DNAJC10: variants seen among roughly 807,000 people sequenced by gnomAD.
The protein encoded by DNAJC10 is endoplasmic reticulum disulfide reductase DNAJC10.
DNAJC10 carries 101 observed loss-of-function variants against 115.0 expected under a neutral mutation model. The ratio of observed to expected loss-of-function variants is 0.88; its 90% CI spans 0.75 to 1.04. DNAJC10 has a LOEUF of 1.04. DNAJC10 is among the 50% of genes least tolerant of loss of function. The probability of loss-of-function intolerance (pLI) is 0.00; values close to 1 mark genes in which losing one functional copy is unlikely to be tolerated. For synonymous variants in DNAJC10, 307 were observed against 301.5 expected, an observed-to-expected ratio of 1.02 and a Z score of -0.19; for missense variants, 981 against 928.8, an observed-to-expected ratio of 1.06 and a Z score of -0.73.
At chr2:182,766,897 C>T (rs941677003) in intron 22 of DNAJC10, among the ~76,000 whole-genome samples, 15 of 151,988 alleles carry the variant, frequency 9.9e-5, no homozygotes, top group African/African-American at 3.6e-4. Context: ...GATGCAGGTC[C>T]CTTTAAGGTT....
At chr2:182,729,128 T>C (rs1372546182) in intron 7 of DNAJC10, 134 bp downstream of exon 7, 8 of 882,736 alleles carry the variant, frequency 9.1e-6, no homozygotes, top group Non-Finnish European at 1.4e-5. Context: ...ACTAGTCTTC[T>C]GTAATAATAA....
intron 16 of DNAJC10, among the ~76,000 whole-genome samples, chr2:182,753,796 A>G (rs1011467369): frequency 1.3e-5 from 2 of 151,890 alleles, no homozygotes; most frequent in Non-Finnish European, 2.9e-5. Context: ...GTTAGCCAGG[A>G]TGGTCTTGAT....
intron 14 of DNAJC10, among the ~76,000 whole-genome samples, chr2:182,748,232 A>T (rs1380000760): frequency 6.6e-6 from 1 of 151,636 alleles, no homozygotes; most frequent in Non-Finnish European, 1.5e-5. Context: ...TATCAGGATG[A>T]TGCTGGCCTC....
rs909869308 is a variant in DNAJC10 at position 182,716,357 on chromosome 2, G to T, written c.-330G>T. 6.6e-6 allele frequency: 1 copy of T among 152,300 alleles called. No individual in the cohort carries two copies. The highest frequency in any genetic ancestry group is 2.1e-4 in the South Asian group (1 of 4,834). The allele number at this position is 152,300 out of a possible 1,614,324, so 9.4% of individuals were successfully genotyped here. A position where few individuals can be genotyped will look rare whatever the true frequency, so the allele number is the denominator to read the frequency against. On this transcript the variant is annotated 5_prime_UTR_variant, in exon 1 of 24. Coordinates refer to ENST00000264065, the MANE Select transcript of DNAJC10 (RefSeq NM_018981.4). Reference sequence around the variant, plus strand: ...GCACCTCACCAATCCCGTGCGCCGCGGCTGGGCCGTCGGAGAGTGCGTGTG... The same window carrying T: ...GCACCTCACCAATCCCGTGCGCCGCTGCTGGGCCGTCGGAGAGTGCGTGTG...
At chr2:182,726,532 A>G (rs1693287477) in intron 5 of DNAJC10, among the ~76,000 whole-genome samples, 1 of 152,144 alleles carries the variant, frequency 6.6e-6, no homozygotes, top group African/African-American at 2.4e-5. Flanking sequence ...GATGCCATCA[A>G]ACAGCATTTC....
intron 22 of DNAJC10, among the ~76,000 whole-genome samples, chr2:182,766,517 A>G (rs746921502): frequency 9.2e-5 from 14 of 152,276 alleles, no homozygotes; most frequent in Non-Finnish European, 2.1e-4. Context: ...AGTTGGTTGC[A>G]TGCTGCCTTC....
Position 182,756,445 on chromosome 2 carries a change from G to T in DNAJC10, c.1785G>T (p.Met595Ile), listed in dbSNP as rs1574946766. The stretch of plus-strand genomic sequence containing the variant: ...GGTGTCATCCTTGCCAAGTCTTAAT[G>T]CCAGAATGGAAAAGAATGGCCCGGG... ...SPWCHPCQVL[M>I]PEWKRMARTL... The change falls in exon 18 of 24, where the codon ATG (methionine) becomes ATT (isoleucine). Residue 595 changes from methionine to isoleucine, a missense_variant. Physicochemically the swap from Met to Ile is conservative, Grantham distance 10. Coordinates refer to ENST00000264065, the MANE Select transcript of DNAJC10 (RefSeq NM_018981.4). 6.2e-7 allele frequency: 1 copy of T among 1,613,762 alleles called. No homozygotes were observed. The highest frequency in any genetic ancestry group is 8.5e-7 in the Non-Finnish European group (1 of 1,179,850).
In DNAJC10 at chr2:182,733,782, C is replaced by CAGATAGATAGATAGAT. The variant is rs61416628; in HGVS notation, c.849+1273_849+1288dup. 1.5e-3 allele frequency among the ~76,000 whole-genome samples: 208 copies of CAGATAGATAGATAGAT among 142,532 alleles called. 1 individual carries two copies. The highest frequency in any genetic ancestry group is 4.0e-3 in the East Asian group (20 of 4,942). The allele number at this position is 142,532 out of a possible 152,430, so 93.5% of individuals were successfully genotyped here. Reference sequence around the variant, plus strand: ...TTATAGACTTTTCTCCAATCTCTCTCAGATAGATAGATAGATAGATAGATA... The same window carrying CAGATAGATAGATAGAT: ...TTATAGACTTTTCTCCAATCTCTCTCAGATAGATAGATAGATAGATAGATAGATAGATAGATAGATA... On this transcript the variant is annotated intron_variant, in intron 10 of 23. Transcript: ENST00000264065.
At chr2:182,750,484 G>A (rs1693987381) in intron 14 of DNAJC10, among the ~76,000 whole-genome samples, 1 of 152,130 alleles carries the variant, frequency 6.6e-6, no homozygotes, top group African/African-American at 2.4e-5. Context: ...AAAAGGAGCA[G>A]GTTTGGAGGA....
intron 14 of DNAJC10, among the ~76,000 whole-genome samples, chr2:182,748,631 A>G (rs1325507172): frequency 6.7e-6 from 1 of 150,320 alleles, no homozygotes; most frequent in East Asian, 1.9e-4. Context: ...TTTTTTCCTT[A>G]TTAGTCTTGC....
At chr2:182,761,760 G>A (rs558015849) in intron 21 of DNAJC10, among the ~76,000 whole-genome samples, 1 of 152,168 alleles carries the variant, frequency 6.6e-6, no homozygotes, top group South Asian at 2.1e-4. Context: ...ATATGAAATC[G>A]AAGAGAATGA....
chr2:182,766,013 G>A (rs1367048971), intron 22 of DNAJC10, among the ~76,000 whole-genome samples: 13 of 152,182 alleles, frequency 8.5e-5, no homozygotes, highest in African/African-American at 2.4e-4. Context: ...AATTTAAAAC[G>A]TTTAAAGGGT....
Position 182,743,475 on chromosome 2 carries a change from C to A in DNAJC10, c.1192-123C>A, listed in dbSNP as rs573718518. The A allele has an allele frequency of 1.1e-4, 72 of 644,548 alleles. 1 individual carries two copies. The highest frequency in any genetic ancestry group is 7.6e-4 in the South Asian group (40 of 52,586). 39.9% of individuals were successfully genotyped at this position (644,548 alleles called of 1,614,324 possible). The stretch of plus-strand genomic sequence containing the variant: ...TTATTTCTGTCTCTTATTTTCGTAG[C>A]CTATTAGCTTCTGTTTAAAAACTGT... On this transcript the variant is annotated intron_variant, in intron 13 of 23. Transcript: ENST00000264065.
At chr2:182,776,161 G>T (rs1262522801) in intron 23 of DNAJC10, among the ~76,000 whole-genome samples, 5 of 151,740 alleles carry the variant, frequency 3.3e-5, no homozygotes, top group East Asian at 1.9e-4. Flanking sequence ...AGTGACTGTG[G>T]CCATAAATTA....
At chr2:182,734,927 C>T (rs1693548148) in intron 10 of DNAJC10, among the ~76,000 whole-genome samples, 2 of 150,908 alleles carry the variant, frequency 1.3e-5, no homozygotes, top group East Asian at 1.9e-4. Flanking sequence ...TTACTGTCAC[C>T]CTTACTGTAT....
At chr2:182,754,687 T>C (rs1375989028) in intron 16 of DNAJC10, 5 of 977,096 alleles carry the variant, frequency 5.1e-6, no homozygotes, top group Non-Finnish European at 6.2e-6. Flanking sequence ...TATAGCCTCT[T>C]CTTACCTTGG....
rs150225185 is a variant in DNAJC10 at position 182,750,146 on chromosome 2, A to AAG, written c.1307-1497_1307-1496dup. Among the ~76,000 whole-genome samples the AAG allele has an allele frequency of 1.3e-3, 191 of 151,008 alleles. 3 individuals are homozygous for AAG. Among genetic ancestry groups the AAG allele is most frequent in the African/African-American group, 1.8e-3 (75 of 41,344 alleles). On this transcript the variant is annotated intron_variant, in intron 14 of 23. Transcript: ENST00000264065. ...TGACTGATGAGATGTGTGGGAGGTC[A>AAG]AGAGAGAGAGAGAGAGTCAAGAATA...
chr2:182,741,863 A>G (rs1039625550), intron 13 of DNAJC10, among the ~76,000 whole-genome samples: 4 of 152,094 alleles, frequency 2.6e-5, no homozygotes, highest in Admixed American at 1.3e-4. Context: ...TGTAATGGCC[A>G]TTGTAATAGA....
In DNAJC10 at chr2:182,758,859, G is replaced by T. The variant is rs1694221317; in HGVS notation, c.1966G>T (p.Asp656Tyr). The stretch of plus-strand genomic sequence containing the variant: ...CAGCAGTTACAATGGTTGGAATAGG[G>T]ATGCTTATTCCCTGAGAATCTGGGG... ...HYHSYNGWNRDAYSLRIWGLG... is the reference protein window; with the variant it reads ...HYHSYNGWNRYAYSLRIWGLG... Residue 656 changes from aspartate (D) to tyrosine (Y), a missense_variant, in exon 20 of 24, where the codon GAT becomes TAT. Physicochemically the swap from Asp to Tyr is radical, Grantham distance 160. Transcript: ENST00000264065. The T allele has an allele frequency of 6.2e-7, 1 of 1,608,212 alleles. No homozygotes were observed. The highest frequency in any genetic ancestry group is 8.5e-7 in the Non-Finnish European group (1 of 1,174,936).
Sources: allele counts gnomAD v4.1 joint callset (sites outside exome capture counted in the v4.1 genomes callset), GRCh38; gene constraint gnomAD v4.1.1; transcripts MANE v1.5; gene names NCBI Gene and HGNC (gene_info 2026-07-23, HGNC 2026-07-21).